Variants in DLG2 observed in about 807,000 individuals in gnomAD.
The protein encoded by DLG2 is disks large homolog 2.
A neutral mutation model predicts 132.5 loss-of-function variants in DLG2; 45 were observed. The ratio of observed to expected loss-of-function variants is 0.34; its 90% CI spans 0.27 to 0.44. The LOEUF (loss-of-function observed/expected upper bound fraction) is 0.44, where lower values mean the gene tolerates loss of function less well. DLG2 is among the 20% of genes least tolerant of loss of function. DLG2 has a pLI of 1.00. For synonymous variants in DLG2, 424 were observed against 419.6 expected (o/e 1.01, Z -0.13); for missense variants, 1,045 against 1,196.9 (o/e 0.87, Z 1.87).
intron 3 of DLG2, among the ~76,000 whole-genome samples, chr11:85,295,328 A>G (rs1346126450): frequency 6.6e-6 from 1 of 152,128 alleles, no homozygotes; most frequent in East Asian, 1.9e-4. Flanking sequence ...ATATCTTCCA[A>G]TCTGTGATTA....
chr11:84,308,083 G>A (rs184758318), intron 7 of DLG2, among the ~76,000 whole-genome samples: 2 of 152,302 alleles, frequency 1.3e-5, no homozygotes, highest in South Asian at 2.1e-4. Context: ...GACCCCAGCA[G>A]GTTGCCACTG....
chr11:83,519,191 G>A lies in DLG2; in HGVS notation c.2193+13517C>T, dbSNP rs17145320. 2.7e-3 allele frequency among the ~76,000 whole-genome samples: 414 copies of A among 152,270 alleles called. 2 individuals carry two copies. Among genetic ancestry groups the A allele is most frequent in the African/African-American group, 8.6e-3 (358 of 41,546 alleles). ...GGCCTTTGCAGTGGTTCTGCAGCGGGGTGTACTGTAGAGAAACAGTGGTGA... is the reference window on the plus strand; with the variant it reads ...GGCCTTTGCAGTGGTTCTGCAGCGGAGTGTACTGTAGAGAAACAGTGGTGA... On this transcript the variant is annotated intron_variant, in intron 21 of 27. Transcript: ENST00000376104.
chr11:83,870,759 T>C (rs773973068), intron 16 of DLG2, among the ~76,000 whole-genome samples: 8 of 152,154 alleles, frequency 5.3e-5, no homozygotes, highest in Non-Finnish European at 1.2e-4. Context: ...AGACTCTGCT[T>C]TCAATCCCAT....
In DLG2 at chr11:84,770,739, G is replaced by A. The variant is rs571543529; in HGVS notation, c.358-236008C>T. ...CGGCTCCCTGCAAGCTCTGCCTCAC[G>A]GGTTCACGCCATTCTCCTGCCTCAG... On this transcript the variant is annotated intron_variant, in intron 6 of 27. Coordinates refer to ENST00000376104, the MANE Select transcript of DLG2 (RefSeq NM_001142699.3). Among the ~76,000 whole-genome samples the A allele has an allele frequency of 1.1e-4, 16 of 150,856 alleles. 1 individual carries two copies. In the South Asian group the frequency reaches 2.1e-3, roughly 20 times the overall value.
At chr11:85,261,334 T>C (rs1349959565) in intron 4 of DLG2, among the ~76,000 whole-genome samples, 1 of 152,082 alleles carries the variant, frequency 6.6e-6, no homozygotes, top group Non-Finnish European at 1.5e-5. Context: ...TTCCCCTACC[T>C]GAGGCCCCTT....
At chr11:84,730,193 C>A in intron 6 of DLG2, among the ~76,000 whole-genome samples, 1 of 151,868 alleles carries the variant, frequency 6.6e-6, no homozygotes, top group East Asian at 1.9e-4. Flanking sequence ...TGTTCCAGTC[C>A]CAGTTTGGAC....
intron 6 of DLG2, among the ~76,000 whole-genome samples, chr11:84,632,311 G>A (rs948060084): frequency 3.3e-5 from 5 of 151,318 alleles, no homozygotes; most frequent in Non-Finnish European, 5.9e-5. Context: ...TCATTCTACC[G>A]AGGTAGCTCC....
intron 3 of DLG2, among the ~76,000 whole-genome samples, chr11:85,348,643 C>T (rs2083048130): frequency 6.6e-6 from 1 of 152,062 alleles, no homozygotes; most frequent in Non-Finnish European, 1.5e-5. Flanking sequence ...ATGATTACCC[C>T]AAAATAGCAA....
At chr11:83,873,612 CTCAGGT>C (rs2063917141) in intron 16 of DLG2, among the ~76,000 whole-genome samples, 1 of 152,164 alleles carries the variant, frequency 6.6e-6, no homozygotes, top group Non-Finnish European at 1.5e-5. Flanking sequence ...ATTGCTCAGG[CTCAGGT>C]ATGTCTTTAT....
intron 18 of DLG2, among the ~76,000 whole-genome samples, chr11:83,635,632 A>G (rs964696856): frequency 6.6e-6 from 1 of 152,178 alleles, no homozygotes; most frequent in African/African-American, 2.4e-5. Flanking sequence ...CATACAAACA[A>G]GACCATAGCT....
intron 9 of DLG2, among the ~76,000 whole-genome samples, chr11:84,109,040 T>C (rs542472335): frequency 6.6e-6 from 1 of 152,258 alleles, no homozygotes; most frequent in Non-Finnish European, 1.5e-5. Flanking sequence ...AAATCAAGAC[T>C]TAGGCTTGGG....
chr11:85,568,241 C>T (rs1164873953), intron 3 of DLG2, among the ~76,000 whole-genome samples: 1 of 152,120 alleles, frequency 6.6e-6, no homozygotes, highest in African/African-American at 2.4e-5. Flanking sequence ...TCATGAACTC[C>T]TGACCTCAGG....
intron 22 of DLG2, among the ~76,000 whole-genome samples, chr11:83,482,594 T>C (rs2093208644): frequency 6.6e-6 from 1 of 152,138 alleles, no homozygotes; most frequent in Non-Finnish European, 1.5e-5. Context: ...GATTTTATAA[T>C]GTAGCTAATA....
At chr11:85,425,752 A>AC (rs1233020843) in intron 3 of DLG2, among the ~76,000 whole-genome samples, 1 of 152,150 alleles carries the variant, frequency 6.6e-6, no homozygotes, top group African/African-American at 2.4e-5. Flanking sequence ...CAACTGAGGT[A>AC]CCAGGTTCAT....
intron 6 of DLG2, among the ~76,000 whole-genome samples, chr11:84,915,190 T>G (rs527961785): frequency 3.3e-5 from 5 of 152,336 alleles, no homozygotes; most frequent in African/African-American, 1.2e-4. Context: ...TATGACCCAT[T>G]CTACACCCCT....
At chr11:85,513,088 G>A (rs1188849486) in intron 3 of DLG2, among the ~76,000 whole-genome samples, 1 of 151,968 alleles carries the variant, frequency 6.6e-6, no homozygotes, top group Non-Finnish European at 1.5e-5. Context: ...AATTAACACA[G>A]AAAGAGAAAA....
rs534478001 is a variant in DLG2 at position 84,151,040 on chromosome 11, T to G, written c.624+12421A>C. Among the ~76,000 whole-genome samples, 5 of 152,320 alleles carry G rather than the reference T, an allele frequency of 3.3e-5. No homozygotes were observed. In the South Asian group the frequency reaches 1.0e-3, roughly 32 times the overall value. On this transcript the variant is annotated intron_variant, in intron 9 of 27. Coordinates refer to ENST00000376104, the MANE Select transcript of DLG2 (RefSeq NM_001142699.3). ...TTTGTTGAGAATTTTTGTATCTATG[T>G]TCACATCAGGGATATTGGCTTGAAG... is the stretch of plus-strand genomic sequence containing the variant.
chr11:84,578,824 G>A (rs531610199), intron 6 of DLG2, among the ~76,000 whole-genome samples: 61 of 152,212 alleles, frequency 4.0e-4, no homozygotes, highest in African/African-American at 1.5e-3. Flanking sequence ...AGAATGATAT[G>A]GCTTGGCTGT....
chr11:85,203,108 A>G (rs1434671589), intron 4 of DLG2, among the ~76,000 whole-genome samples: 1 of 151,234 alleles, frequency 6.6e-6, no homozygotes, highest in Non-Finnish European at 1.5e-5. Flanking sequence ...GGTGTTTTCT[A>G]CTTTCATTTT....
Sources: allele counts gnomAD v4.1 joint callset (sites outside exome capture counted in the v4.1 genomes callset), GRCh38; gene constraint gnomAD v4.1.1; transcripts MANE v1.5; gene names NCBI Gene and HGNC (gene_info 2026-07-23, HGNC 2026-07-21).